Variants in BRAF observed in about 807,000 individuals in gnomAD.
BRAF encodes the protein serine/threonine-protein kinase B-raf.
In BRAF, 16 loss-of-function variants were observed where a neutral mutation model predicts 104.6. The observed-to-expected ratio is 0.15, with a 90% CI of 0.10 to 0.23. The LOEUF is 0.23. Ranked by LOEUF, BRAF falls within the 10% of genes least tolerant of loss-of-function variation. The pLI is 1.00. For missense variants in BRAF, 541 were observed against 937.3 expected (o/e 0.58, Z 5.52); for synonymous variants, 310 against 341.6 (o/e 0.91, Z 1.02).
intron 1 of BRAF, among the ~76,000 whole-genome samples, chr7:140,861,092 A>T (rs1406453498): frequency 2.6e-5 from 4 of 152,232 alleles, no homozygotes; most frequent in Non-Finnish European, 5.9e-5. Flanking sequence ...AAATGTCAAC[A>T]ATCTACAGAA....
chr7:140,789,376 T>C lies in BRAF; in HGVS notation c.1141-1792A>G, dbSNP rs762980534. ...ATGAGGGATTGAATGGCCCCAAATA[T>C]CTCTGAATAGTCTCTGCAAATAGAC... On this transcript the variant is annotated intron_variant, in intron 8 of 19. Coordinates refer to ENST00000644969, the MANE Select transcript of BRAF (RefSeq NM_001374258.1). Among the ~76,000 whole-genome samples the C allele has an allele frequency of 7.4e-4, 113 of 152,258 alleles. No homozygotes were observed. The highest frequency in any genetic ancestry group is 4.6e-4 in the Non-Finnish European group (31 of 68,014).
intron 14 of BRAF, among the ~76,000 whole-genome samples, chr7:140,768,287 A>G (rs1053380181): frequency 1.3e-5 from 2 of 152,194 alleles, no homozygotes; most frequent in Non-Finnish European, 2.9e-5. Context: ...GCAGTAGCAA[A>G]GGATAATGTC....
At chr7:140,798,049 C>G (rs901741068) in intron 7 of BRAF, among the ~76,000 whole-genome samples, 2 of 152,104 alleles carry the variant, frequency 1.3e-5, no homozygotes, top group African/African-American at 4.8e-5. Context: ...GCAAAATTTT[C>G]TAACCCATGA....
chr7:140,914,241 T>C (rs1220178088), intron 1 of BRAF, among the ~76,000 whole-genome samples: 2 of 152,202 alleles, frequency 1.3e-5, no homozygotes, highest in Non-Finnish European at 2.9e-5. Flanking sequence ...TTAACACATA[T>C]GGCCTACTAG....
chr7:140,789,668 GC>G (rs1253013101), intron 8 of BRAF, among the ~76,000 whole-genome samples: 2 of 152,184 alleles, frequency 1.3e-5, no homozygotes, highest in East Asian at 1.9e-4. Context: ...AAGAATAATT[GC>G]ATAAGAATAT....
chr7:140,723,938 A>G lies in BRAF; in HGVS notation c.*2556T>C. The G allele has an allele frequency of 9.6e-7, 1 of 1,041,694 alleles. No homozygotes were observed. Among genetic ancestry groups the G allele is most frequent in the Non-Finnish European group, 1.2e-6 (1 of 864,078 alleles). 64.5% of individuals were successfully genotyped at this position (1,041,694 alleles called of 1,614,324 possible). ...TAAAACACAAATAAAACCTATTTTC[A>G]TGTCATTTGTAAACTAGAGAAAAAA... On this transcript the variant is annotated 3_prime_UTR_variant, in exon 20 of 20. Coordinates refer to ENST00000644969, the MANE Select transcript of BRAF (RefSeq NM_001374258.1).
At chr7:140,805,499 G>C (rs1803570542) in intron 5 of BRAF, among the ~76,000 whole-genome samples, 1 of 151,940 alleles carries the variant, frequency 6.6e-6, no homozygotes, top group Non-Finnish European at 1.5e-5. Flanking sequence ...GTATACCTTT[G>C]TCAATAAAGA....
At chr7:140,879,662 C>T (rs999251873) in intron 1 of BRAF, among the ~76,000 whole-genome samples, 9 of 151,470 alleles carry the variant, frequency 5.9e-5, no homozygotes, top group African/African-American at 1.7e-4. Context: ...TGGGTCTTGC[C>T]TCAGTGTTGA....
intron 14 of BRAF, among the ~76,000 whole-genome samples, chr7:140,767,480 G>C (rs1243700988): frequency 2.0e-5 from 3 of 152,146 alleles, no homozygotes; most frequent in Admixed American, 6.5e-5. Flanking sequence ...TATGAATGCA[G>C]GCAGGTGGGT....
At chr7:140,859,317 G>C (rs1479016851) in intron 1 of BRAF, among the ~76,000 whole-genome samples, 1 of 152,166 alleles carries the variant, frequency 6.6e-6, no homozygotes, top group Non-Finnish European at 1.5e-5. Flanking sequence ...GCTTTCCCTA[G>C]TAAGACCATT....
At chr7:140,799,262 C>T (rs1328540039) in intron 7 of BRAF, 1 of 231,896 alleles carries the variant, frequency 4.3e-6, no homozygotes, top group Admixed American at 5.6e-5. Flanking sequence ...TTCCATACTT[C>T]TAGCACTTGA....
chr7:140,800,579 T>C lies in BRAF; in HGVS notation c.861-98A>G, dbSNP rs185082305. On this transcript the variant is annotated intron_variant, in intron 6 of 19. Transcript: ENST00000644969. ...CCAAAAAAACTGAGATCAAATTCCA[T>C]TCTCAGAAACAACTGTTAAAATTCA... 6,509 of 1,570,946 alleles carry C rather than the reference T, an allele frequency of 4.1e-3. 23 individuals are homozygous for C. Among genetic ancestry groups the C allele is most frequent in the Non-Finnish European group, 5.1e-3 (5,805 of 1,145,388 alleles).
At chr7:140,739,250 TAAG>T (rs1484380875) in intron 18 of BRAF, among the ~76,000 whole-genome samples, 6 of 152,172 alleles carry the variant, frequency 3.9e-5, no homozygotes, top group Admixed American at 3.3e-4. Context: ...TTACAAGCGT[TAAG>T]TAGAGTTTTT....
At chr7:140,789,889 C>T (rs777294685) in intron 8 of BRAF, among the ~76,000 whole-genome samples, 10 of 152,186 alleles carry the variant, frequency 6.6e-5, no homozygotes, top group Non-Finnish European at 1.5e-4. Flanking sequence ...TGCCACCATG[C>T]CCGGCTAATT....
intron 2 of BRAF, among the ~76,000 whole-genome samples, chr7:140,837,198 T>G (rs946269101): frequency 6.6e-6 from 1 of 152,210 alleles, no homozygotes; most frequent in South Asian, 2.1e-4. Context: ...AACACTGCCA[T>G]AGATTTCTCT....
intron 1 of BRAF, among the ~76,000 whole-genome samples, chr7:140,917,785 T>C (rs1034730509): frequency 6.6e-6 from 1 of 152,208 alleles, no homozygotes; most frequent in African/African-American, 2.4e-5. Context: ...AAGCTAAGAA[T>C]ACTTTTTACA....
At chr7:140,760,443 G>A (rs1190439979) in intron 14 of BRAF, among the ~76,000 whole-genome samples, 2 of 149,336 alleles carry the variant, frequency 1.3e-5, no homozygotes, top group East Asian at 2.0e-4. Flanking sequence ...AAAAAAAGAT[G>A]TTTTCTGGAG....
intron 3 of BRAF, chr7:140,823,991 C>G (rs893152705): frequency 5.9e-5 from 9 of 152,134 alleles, no homozygotes; most frequent in Non-Finnish European, 1.2e-4. Flanking sequence ...GTCCTCTGCC[C>G]ATTTTTTAAC....
intron 1 of BRAF, among the ~76,000 whole-genome samples, chr7:140,898,412 C>T (rs1815205454): frequency 1.3e-5 from 2 of 152,036 alleles, no homozygotes; most frequent in Non-Finnish European, 2.9e-5. Context: ...TAACAGAATA[C>T]CTAAAAATAA....
Sources: gnomAD v4.1 joint callset for allele counts (sites outside exome capture counted in the v4.1 genomes callset) on GRCh38, gnomAD v4.1.1 for gene constraint, MANE v1.5 for transcripts, NCBI Gene and HGNC (gene_info 2026-07-23, HGNC 2026-07-21) for gene names.